Variants in UACA observed in about 807,000 individuals in gnomAD.
UACA encodes the protein uveal autoantigen with coiled-coil domains and ankyrin repeats, also known as nuclear membrane binding protein.
In UACA, 112 loss-of-function variants were observed where a neutral mutation model predicts 160.5. The observed-to-expected ratio is 0.70, with a 90% CI of 0.60 to 0.82. The LOEUF (loss-of-function observed/expected upper bound fraction) is 0.82, where lower values mean the gene tolerates loss of function less well. Ranked by LOEUF, UACA falls within the 40% of genes least tolerant of loss-of-function variation. The probability of loss-of-function intolerance (pLI) is 0.00; values close to 1 mark genes in which losing one functional copy is unlikely to be tolerated. For missense variants in UACA, 1,574 were observed against 1,614.6 expected (o/e 0.97, Z 0.43); for synonymous variants, 557 against 568.4 (o/e 0.98, Z 0.29).
chr15:70,714,181 T>A (rs1595905824), intron 1 of UACA, among the ~76,000 whole-genome samples: 1 of 152,318 alleles, frequency 6.6e-6, no homozygotes, highest in Admixed American at 6.5e-5. Context: ...AAGATTAGGC[T>A]GCACAATTAA....
intron 1 of UACA, among the ~76,000 whole-genome samples, chr15:70,755,527 A>G (rs1173379919): frequency 1.3e-5 from 2 of 152,040 alleles, no homozygotes; most frequent in Admixed American, 6.5e-5. Flanking sequence ...AAACTTAGCC[A>G]GGCATGGTGA....
rs1896989341 is a variant in UACA at position 70,667,958 on chromosome 15, CTTTTT to C, written c.2721_2725del (p.Arg909ProfsTer11). On this transcript the variant is annotated frameshift_variant, in exon 16 of 19. Coordinates refer to ENST00000322954, the MANE Select transcript of UACA (RefSeq NM_018003.4). LOFTEE classifies it high-confidence loss of function. ...TTGGTTCTGAGTGTTTTCCAGGTTT[CTTTTT>C]AATATTTCATTCTTATCTTTTATTT... The C allele has an allele frequency of 2.5e-6, 4 of 1,607,622 alleles. No individual in the cohort carries two copies. The highest frequency in any genetic ancestry group is 3.4e-6 in the Non-Finnish European group (4 of 1,177,510).
At position 70,669,028 on chromosome 15, in the gene UACA, T is replaced by C. The variant is rs1262141192; in HGVS notation, c.1656A>G (p.Lys552=). Residue 552 remains lysine (K), a synonymous_variant, in exon 16 of 19, where the codon AAA becomes AAG. Coordinates refer to ENST00000322954, the MANE Select transcript of UACA (RefSeq NM_018003.4). ...LKDQLKDLKV[K]YEGASAEVGK... The stretch of plus-strand genomic sequence containing the variant: ...CCACTTCTGCTGAAGCACCTTCATA[T>C]TTTACTTTCAAGTCTTTCAACTGAT... 1.9e-6 allele frequency: 3 copies of C among 1,614,034 alleles called. No individual in the cohort carries two copies. The highest frequency in any genetic ancestry group is 2.5e-6 in the Non-Finnish European group (3 of 1,179,998).
At position 70,672,016 on chromosome 15, in the gene UACA, A is replaced by T. The variant is rs1435655697; in HGVS notation, c.1132-15T>A. The T allele has an allele frequency of 6.3e-7, 1 of 1,589,564 alleles. No homozygotes were observed. The highest frequency in any genetic ancestry group is 8.6e-7 in the Non-Finnish European group (1 of 1,168,448). On this transcript the variant is annotated splice_polypyrimidine_tract_variant and intron_variant, in intron 13 of 18. Coordinates refer to ENST00000322954, the MANE Select transcript of UACA (RefSeq NM_018003.4). ...AAATGATCACTCTGAAATCAGAAGC[A>T]TAAAATATTTTAGGGTGAATGCTGC...
rs568250974 is a variant in UACA, at chr15:70,728,004, T to C, written c.79-28344A>G. On this transcript the variant is annotated intron_variant, in intron 1 of 18. Coordinates refer to ENST00000322954, the MANE Select transcript of UACA (RefSeq NM_018003.4). The stretch of plus-strand genomic sequence containing the variant: ...ACTAACCAAACTAACCAAAACAGCA[T>C]TGATACTGGTACAAAAACAGACACA... Among the ~76,000 whole-genome samples the C allele has an allele frequency of 7.1e-4, 108 of 152,052 alleles. 5 individuals are homozygous for C. Among genetic ancestry groups the C allele is most frequent in the Non-Finnish European group, 3.4e-4 (23 of 68,002 alleles).
At chr15:70,683,308 A>G (rs892547551) in intron 8 of UACA, among the ~76,000 whole-genome samples, 1 of 152,106 alleles carries the variant, frequency 6.6e-6, no homozygotes, top group Non-Finnish European at 1.5e-5. Context: ...GCAGTGAGCT[A>G]TGATGGCACC....
intron 1 of UACA, among the ~76,000 whole-genome samples, chr15:70,729,012 CTAT>C (rs1048986016): frequency 5.3e-5 from 8 of 152,074 alleles, no homozygotes; most frequent in South Asian, 2.1e-4. Context: ...ATCAGAATGG[CTAT>C]TATTATAAAG....
At chr15:70,704,746 G>A (rs1595900956) in intron 1 of UACA, among the ~76,000 whole-genome samples, 1 of 152,294 alleles carries the variant, frequency 6.6e-6, no homozygotes, top group East Asian at 1.9e-4. Flanking sequence ...AGTCACAGGT[G>A]CTCCTGCTCC....
rs888673453 is a variant in UACA, at chr15:70,763,492, G to C, written c.-85C>G. 7.9e-7 allele frequency: 1 copy of C among 1,258,000 alleles called. No individual in the cohort carries two copies. Among genetic ancestry groups the C allele is most frequent in the Non-Finnish European group, 1.0e-6 (1 of 994,326 alleles). The allele number at this position is 1,258,000 out of a possible 1,614,324, so 77.9% of individuals were successfully genotyped here. The stretch of plus-strand genomic sequence containing the variant: ...GGAGTAGACGGCAGCGGCTGCAGCA[G>C]AGGCGGCGCGGGCTGTACCAGCCCC... On this transcript the variant is annotated 5_prime_UTR_variant, in exon 1 of 19. Coordinates refer to ENST00000322954, the MANE Select transcript of UACA (RefSeq NM_018003.4).
At position 70,667,819 on chromosome 15, in the gene UACA, T is replaced by C; in HGVS notation, c.2865A>G (p.Lys955=). Residue 955 remains lysine (K), a synonymous_variant, in exon 16 of 19, where the codon AAA becomes AAG. Coordinates refer to ENST00000322954, the MANE Select transcript of UACA (RefSeq NM_018003.4). ...SNAEILANYR[K]GQEEIVTLHA... Reference sequence around the variant, plus strand: ...GCAGTGTCACAATCTCTTCTTGGCCTTTTCTGTAGTTGGCCAAGATTTCAG... The same window carrying C: ...GCAGTGTCACAATCTCTTCTTGGCCCTTTCTGTAGTTGGCCAAGATTTCAG... 6.2e-7 allele frequency: 1 copy of C among 1,613,888 alleles called. No individual in the cohort carries two copies. Among genetic ancestry groups the C allele is most frequent in the South Asian group, 1.1e-5 (1 of 91,012 alleles).
intron 18 of UACA, among the ~76,000 whole-genome samples, chr15:70,659,561 C>CG (rs1234152903): frequency 6.6e-6 from 1 of 151,360 alleles, no homozygotes; most frequent in Non-Finnish European, 1.5e-5. Context: ...ATGCTGCTCA[C>CG]GGGGTTTCTA....
chr15:70,691,110 CA>C (rs1464291414), intron 4 of UACA, among the ~76,000 whole-genome samples, 188 bp downstream of exon 4: 1 of 152,120 alleles, frequency 6.6e-6, no homozygotes, highest in Non-Finnish European at 1.5e-5. Context: ...CTGAGTTATG[CA>C]ATTCACTTCC....
intron 1 of UACA, chr15:70,754,222 T>C: frequency 2.2e-6 from 1 of 453,326 alleles, no homozygotes; most frequent in Non-Finnish European, 4.4e-6. Context: ...CCCATTCAAT[T>C]ACAGACAGTC....
At chr15:70,673,257 A>G (rs1387032085) in intron 13 of UACA, among the ~76,000 whole-genome samples, 1 of 152,186 alleles carries the variant, frequency 6.6e-6, no homozygotes, top group Non-Finnish European at 1.5e-5. Flanking sequence ...CCTGGGTGAC[A>G]GAGTGAGATC....
chr15:70,676,952 C>T (rs1275395200), intron 12 of UACA, among the ~76,000 whole-genome samples, 156 bp downstream of exon 12: 1 of 152,130 alleles, frequency 6.6e-6, no homozygotes, highest in Non-Finnish European at 1.5e-5. Context: ...ACATTCAAAA[C>T]ATCCTTTTTT....
intron 17 of UACA, among the ~76,000 whole-genome samples, 165 bp downstream of exon 17, chr15:70,664,497 G>A (rs1458792874): frequency 6.6e-6 from 1 of 152,172 alleles, no homozygotes; most frequent in Non-Finnish European, 1.5e-5. Context: ...CATCAAATAA[G>A]TATTATTACA....
At chr15:70,746,953 G>A (rs1270827895) in intron 1 of UACA, among the ~76,000 whole-genome samples, 2 of 152,012 alleles carry the variant, frequency 1.3e-5, no homozygotes, top group African/African-American at 4.8e-5. Flanking sequence ...TGGGCACAGG[G>A]AGGGGAACAT....
At chr15:70,685,114 C>A (rs1897663500) in intron 7 of UACA, among the ~76,000 whole-genome samples, 1 of 152,132 alleles carries the variant, frequency 6.6e-6, no homozygotes, top group African/African-American at 2.4e-5. Flanking sequence ...AACCTTGATT[C>A]TTCTACCTGA....
At chr15:70,687,966 A>G (rs1333974374) in intron 5 of UACA, 146 bp from the exon 6 acceptor site, 1 of 690,510 alleles carries the variant, frequency 1.4e-6, no homozygotes, top group Non-Finnish European at 2.4e-6. Flanking sequence ...CATTATAAGC[A>G]CAATTTTTCA....
Sources: gnomAD v4.1 joint callset for allele counts (sites outside exome capture counted in the v4.1 genomes callset) on GRCh38, gnomAD v4.1.1 for gene constraint, MANE v1.5 for transcripts, NCBI Gene and HGNC (gene_info 2026-07-23, HGNC 2026-07-21) for gene names.